Variants in ATP2A3 observed in about 807,000 individuals in gnomAD.
ATP2A3 encodes ATPase sarcoplasmic/endoplasmic reticulum Ca2+ transporting 3.
In ATP2A3, 61 loss-of-function variants were observed where a neutral mutation model predicts 106.8. The ratio of observed to expected loss-of-function variants is 0.57; its 90% confidence interval spans 0.46 to 0.71. The LOEUF is 0.71. Ranked by LOEUF, ATP2A3 falls within the 30% of genes least tolerant of loss-of-function variation. The probability of loss-of-function intolerance (pLI) is 0.00; values close to 1 mark genes in which losing one functional copy is unlikely to be tolerated. For synonymous variants in ATP2A3, 611 were observed against 609.3 expected, an observed-to-expected ratio of 1.00 and a Z score of -0.04; for missense variants, 1,201 against 1,423.5, an observed-to-expected ratio of 0.84 and a Z score of 2.52.
intron 1 of ATP2A3, among the ~76,000 whole-genome samples, chr17:3,957,365 T>C (rs2054843269): frequency 6.6e-6 from 1 of 152,170 alleles, no homozygotes; most frequent in Non-Finnish European, 1.5e-5. Context: ...ACTCTTAGGC[T>C]GTCCTGCCTT....
At position 3,926,779 on chromosome 17, in the gene ATP2A3, A is replaced by G. The variant is rs2052728594; in HGVS notation, c.2981-1338T>C. 2.4e-6 allele frequency: 2 copies of G among 834,334 alleles called. No individual in the cohort carries two copies. The highest frequency in any genetic ancestry group is 3.7e-5 in the African/African-American group (2 of 53,968). 51.7% of individuals were successfully genotyped at this position (834,334 alleles called of 1,614,324 possible). A position where few individuals can be genotyped will look rare whatever the true frequency, so the allele number is the denominator to read the frequency against. On this transcript the variant is annotated intron_variant, in intron 20 of 20. Coordinates refer to ENST00000397041, the MANE Select transcript of ATP2A3 (RefSeq NM_005173.4). The surrounding 1 kb of genome is among the most constrained non-coding windows in gnomAD (Gnocchi z 4.6). The stretch of plus-strand genomic sequence containing the variant: ...GAGATGGGGTTTCACCATGTTGGCC[A>G]GGCTGGTCTCTAACTCCTGACTCAG...
chr17:3,937,587 C>T lies in ATP2A3; in HGVS notation c.2150G>A (p.Gly717Asp). 1 of 1,614,110 alleles carries T rather than the reference C, an allele frequency of 6.2e-7. No homozygotes were observed. The highest frequency in any genetic ancestry group is 1.7e-4 in the Middle Eastern group (1 of 6,050). Residue 717 changes from glycine to aspartate, a missense_variant, in exon 15 of 21, where the codon GGC becomes GAC. Physicochemically the swap from Gly to Asp is moderately conservative, Grantham distance 94. Coordinates refer to ENST00000397041, the MANE Select transcript of ATP2A3 (RefSeq NM_005173.4). ...GGCCGTGCCTGAGCCCATGGCGATG[C>T]CGATCTCTGCTTTCTTCAGGGCTGG... ...DAPALKKAEI[G>D]IAMGSGTAVA...
At chr17:3,937,198 T>C in intron 15 of ATP2A3, 1 of 613,034 alleles carries the variant, frequency 1.6e-6, no homozygotes, top group Admixed American at 2.7e-5. Flanking sequence ...CCTCCGTGGG[T>C]GCTGGGGTGA....
rs370280870 is a variant in ATP2A3 at position 3,947,700 on chromosome 17, G to T, written c.786C>A (p.His262Gln). The change falls in exon 8 of 21, where the codon CAC becomes CAA. Residue 262 changes from histidine to glutamine, a missense_variant. His to Gln is a conservative substitution (Grantham distance 24, BLOSUM62 0). Transcript: ENST00000397041. The surrounding 1 kb of genome is among the most constrained non-coding windows in gnomAD (Gnocchi z 7.7). ...KLDEFGRQLS[H>Q]AISVICVAVW... The stretch of plus-strand genomic sequence containing the variant: ...CGGCCACGCAGATCACAGAGATGGC[G>T]TGGGACAGCTGCCGTCCAAACTCGT... 1 of 1,611,682 alleles carries T rather than the reference G, an allele frequency of 6.2e-7. No homozygotes were observed. The highest frequency in any genetic ancestry group is 1.3e-5 in the African/African-American group (1 of 75,066).
Position 3,928,870 on chromosome 17 carries a change from G to A in ATP2A3, c.2863-90C>T. On this transcript the variant is annotated intron_variant, in intron 19 of 20. Coordinates refer to ENST00000397041, the MANE Select transcript of ATP2A3 (RefSeq NM_005173.4). This position sits in a 1 kb window ranked among gnomAD's most constrained non-coding sequence, Gnocchi z 6.1. ...TGCTGGCCTTATCCACCTGGGCTCTGATGGACTCTTCATGAGCGCTCCTAA... is the reference window on the plus strand; with the variant it reads ...TGCTGGCCTTATCCACCTGGGCTCTAATGGACTCTTCATGAGCGCTCCTAA... The A allele has an allele frequency of 9.8e-7, 1 of 1,019,662 alleles. No homozygotes were observed. Among genetic ancestry groups the A allele is most frequent in the Non-Finnish European group, 1.5e-6 (1 of 677,174 alleles). The allele number at this position is 1,019,662 out of a possible 1,614,324, so 63.2% of individuals were successfully genotyped here.
At chr17:3,945,030 C>G (rs548644852) in intron 9 of ATP2A3, 30 bp downstream of exon 9, 1 of 1,481,422 alleles carries the variant, frequency 6.8e-7, no homozygotes, top group South Asian at 1.3e-5. Context: ...CCAGGCCGCC[C>G]GCCCGCGCGT....
rs2052880865 is a variant in ATP2A3 at position 3,928,953 on chromosome 17, T to C, written c.2863-173A>G. ...ACTCAGCTGCACCCCCCGATCTTTG[T>C]CTGTTCAGCTGCACCCCCCAATCTT... On this transcript the variant is annotated intron_variant, in intron 19 of 20. Coordinates refer to ENST00000397041, the MANE Select transcript of ATP2A3 (RefSeq NM_005173.4). The surrounding 1 kb of genome is among the most constrained non-coding windows in gnomAD (Gnocchi z 6.1). 1.5e-5 allele frequency among the ~76,000 whole-genome samples: 2 copies of C among 129,190 alleles called. No individual in the cohort carries two copies. The highest frequency in any genetic ancestry group is 2.4e-4 in the South Asian group (1 of 4,218). The allele number at this position is 129,190 out of a possible 152,430, so 84.8% of individuals were successfully genotyped here.
At chr17:3,950,845 C>T in intron 5 of ATP2A3, 72 bp from the exon 6 acceptor site, 2 of 1,477,436 alleles carry the variant, frequency 1.4e-6, no homozygotes, top group Non-Finnish European at 1.9e-6. Context: ...GAAGGGTTCC[C>T]AGAACCCAAG....
At chr17:3,960,427 G>A (rs1007267051) in intron 1 of ATP2A3, among the ~76,000 whole-genome samples, 1 of 152,240 alleles carries the variant, frequency 6.6e-6, no homozygotes, top group Non-Finnish European at 1.5e-5. Context: ...GTGTGGCCCG[G>A]GAAGGCAGGC....
intron 14 of ATP2A3, among the ~76,000 whole-genome samples, chr17:3,939,555 G>A (rs999676654): frequency 4.6e-5 from 7 of 152,132 alleles, no homozygotes; most frequent in African/African-American, 1.7e-4. Context: ...TTGGGAGGCT[G>A]AGGCGGGCGG....
At chr17:3,951,558 G>GCCCCCCCCCCCAGCCCCCCC in intron 4 of ATP2A3, 23 bp downstream of exon 4, 1 of 716,234 alleles carries the variant, frequency 1.4e-6, no homozygotes, top group Non-Finnish European at 2.1e-6. Flanking sequence ...CCCCCGCCCG[G>GCCCCCCCCCCCAGCCCCCCC]TCCCACCCCC....
Position 3,930,365 on chromosome 17 carries a change from G to A in ATP2A3, c.2680C>T (p.Arg894Cys), listed in dbSNP as rs769104610. The change falls in exon 18 of 21, where the codon CGC becomes TGC. Residue 894 changes from arginine to cysteine, a missense_variant. This residue lies in a region of ATP2A3 where 935 missense variants were observed against 1,176.7 expected (regional missense o/e 0.79). Transcript: ENST00000397041. This position sits in a 1 kb window ranked among gnomAD's most constrained non-coding sequence, Gnocchi z 5.4. ...AGIDCEVFES[R>C]FPTTMALSVL... ...GACAAGGCCATGGTGGTGGGGAAGC[G>A]TGACTCGAACACCTCACAGTCGATG... 13 of 1,613,588 alleles carry A rather than the reference G, an allele frequency of 8.1e-6. No homozygotes were observed. The highest frequency in any genetic ancestry group is 3.3e-5 in the Admixed American group (2 of 59,920).
intron 17 of ATP2A3, among the ~76,000 whole-genome samples, chr17:3,931,688 AT>A: frequency 6.6e-6 from 1 of 151,694 alleles, no homozygotes; most frequent in Non-Finnish European, 1.5e-5. Flanking sequence ...CGCCCGGCTA[AT>A]TTTTTGTATT....
intron 7 of ATP2A3, among the ~76,000 whole-genome samples, chr17:3,950,094 G>A (rs935653159): frequency 7.9e-5 from 12 of 151,700 alleles, no homozygotes; most frequent in Non-Finnish European, 1.3e-4. Flanking sequence ...CCTGGGGGGC[G>A]GGGGTTGCAG....
Position 3,925,289 on chromosome 17 carries a change from G to C in ATP2A3, c.*133C>G. 6.7e-7 allele frequency: 1 copy of C among 1,501,392 alleles called. No individual in the cohort carries two copies. Among genetic ancestry groups the C allele is most frequent in the Non-Finnish European group, 9.2e-7 (1 of 1,092,246 alleles). The allele number at this position is 1,501,392 out of a possible 1,614,324, so 93.0% of individuals were successfully genotyped here. On this transcript the variant is annotated 3_prime_UTR_variant, in exon 21 of 21. Coordinates refer to ENST00000397041, the MANE Select transcript of ATP2A3 (RefSeq NM_005173.4). The surrounding 1 kb of genome is among the most constrained non-coding windows in gnomAD (Gnocchi z 4.2). The stretch of plus-strand genomic sequence containing the variant: ...GCCCGGGGATGGCCATTCTGACCTC[G>C]GGCCTGTCATTTATCCGGCGGGACC...
chr17:3,949,510 C>T (rs1040383368), intron 7 of ATP2A3, among the ~76,000 whole-genome samples: 1 of 152,180 alleles, frequency 6.6e-6, no homozygotes, highest in Admixed American at 6.5e-5. Flanking sequence ...GCATTTCTAT[C>T]GAGTGATTAT....
At position 3,955,796 on chromosome 17, in the gene ATP2A3, T is replaced by G. The variant is rs1289604064; in HGVS notation, c.119-2086A>C. On this transcript the variant is annotated intron_variant, in intron 1 of 20. Coordinates refer to ENST00000397041, the MANE Select transcript of ATP2A3 (RefSeq NM_005173.4). This position sits in a 1 kb window ranked among gnomAD's most constrained non-coding sequence, Gnocchi z 4.2. ...CATGGGGTACACGTGCCAGCTCCAG[T>G]CCTGGACTTCCCCACAAAGGTCCCC... Among the ~76,000 whole-genome samples the G allele has an allele frequency of 2.0e-5, 3 of 152,162 alleles. No individual in the cohort carries two copies. The highest frequency in any genetic ancestry group is 4.4e-5 in the Non-Finnish European group (3 of 68,030).
At chr17:3,943,555 G>T in intron 10 of ATP2A3, 33 bp from the exon 11 acceptor site, 1 of 1,613,456 alleles carries the variant, frequency 6.2e-7, no homozygotes. Context: ...GGAGTGAGGG[G>T]CAGGCAGCCT....
At chr17:3,943,991 C>T (rs1397543432) in intron 10 of ATP2A3, among the ~76,000 whole-genome samples, 3 of 152,188 alleles carry the variant, frequency 2.0e-5, no homozygotes, top group Admixed American at 2.0e-4. Flanking sequence ...CCCCTGGCTT[C>T]CTCCCTGTCT....
Sources: gnomAD v4.1 joint callset for allele counts (sites outside exome capture counted in the v4.1 genomes callset) on GRCh38, gnomAD v4.1.1 for gene constraint, gnomAD v4.1.1 regional missense constraint, Gnocchi (gnomAD v3.1) non-coding constraint, MANE v1.5 for transcripts, NCBI Gene and HGNC (gene_info 2026-07-23, HGNC 2026-07-21) for gene names.